ADAMTS18: variants seen among roughly 807,000 people sequenced by gnomAD.
ADAMTS18 encodes ADAM metallopeptidase with thrombospondin type 1 motif 18.
In ADAMTS18, 157 loss-of-function variants were observed where a neutral mutation model predicts 165.9. The observed-to-expected ratio is 0.95, with a 90% CI of 0.83 to 1.08. The LOEUF is 1.08. ADAMTS18 is among the 50% of genes least tolerant of loss of function. The pLI, the probability that ADAMTS18 is intolerant of heterozygous loss-of-function variation, is 0.00. For missense variants in ADAMTS18, 2,040 were observed against 1,534.0 expected (o/e 1.33, Z -5.51); for synonymous variants, 782 against 578.2 (o/e 1.35, Z -5.06).
At chr16:77,285,563 C>CG (rs2055233971) in intron 22 of ADAMTS18, among the ~76,000 whole-genome samples, 2 of 151,386 alleles carry the variant, frequency 1.3e-5, no homozygotes, top group South Asian at 2.1e-4. Context: ...GTTCCTTCTT[C>CG]AAGCCTTGAT....
chr16:77,290,984 C>A, intron 21 of ADAMTS18: 1 of 388,570 alleles, frequency 2.6e-6, no homozygotes. Context: ...CCAACATTAG[C>A]AGTGTATAAC....
chr16:77,359,550 A>T, intron 7 of ADAMTS18, 127 bp from the exon 8 acceptor site: 4 of 8,994 alleles, frequency 4.4e-4, no homozygotes, highest in Non-Finnish European at 5.2e-4. Context: ...GTGTTTTTGG[A>T]AAAAAAAAAA....
intron 22 of ADAMTS18, among the ~76,000 whole-genome samples, chr16:77,288,023 C>G (rs1380330875): frequency 6.6e-6 from 1 of 152,160 alleles, no homozygotes; most frequent in African/African-American, 2.4e-5. Flanking sequence ...CCTCACAGCA[C>G]TTTTCACATG....
chr16:77,365,016 G>C (rs1015088697), intron 4 of ADAMTS18, among the ~76,000 whole-genome samples: 10 of 152,000 alleles, frequency 6.6e-5, no homozygotes, highest in African/African-American at 2.4e-4. Context: ...TGAGGCAGGC[G>C]GATCACTTGA....
At chr16:77,352,220 G>A (rs974183845) in intron 10 of ADAMTS18, among the ~76,000 whole-genome samples, 1 of 152,090 alleles carries the variant, frequency 6.6e-6, no homozygotes, top group Non-Finnish European at 1.5e-5. Flanking sequence ...TATTTCTTCG[G>A]ACTGGAGTTA....
intron 3 of ADAMTS18, among the ~76,000 whole-genome samples, chr16:77,385,403 C>G (rs967716666): frequency 6.6e-6 from 1 of 152,164 alleles, no homozygotes; most frequent in Non-Finnish European, 1.5e-5. Flanking sequence ...TATTCTGTAA[C>G]TAAGCTGGTG....
chr16:77,375,357 G>A (rs1475703396), intron 3 of ADAMTS18, among the ~76,000 whole-genome samples: 1 of 152,092 alleles, frequency 6.6e-6, no homozygotes. Context: ...ACTCCGGCCT[G>A]GGTGAAAGAG....
chr16:77,368,392 C>T (rs930369998), intron 3 of ADAMTS18, among the ~76,000 whole-genome samples: 2 of 151,884 alleles, frequency 1.3e-5, no homozygotes, highest in African/African-American at 4.8e-5. Flanking sequence ...TATAAAAATA[C>T]CCCCACTCAT....
chr16:77,397,229 G>C (rs557649839), intron 3 of ADAMTS18, among the ~76,000 whole-genome samples: 2 of 152,190 alleles, frequency 1.3e-5, no homozygotes, highest in Non-Finnish European at 2.9e-5. Context: ...AAAATCAACT[G>C]TGTAGAAAGG....
intron 21 of ADAMTS18, chr16:77,290,984 C>T (rs1555508220): frequency 8.2e-5 from 32 of 388,422 alleles, no homozygotes; most frequent in East Asian, 1.1e-4. Context: ...CCAACATTAG[C>T]AGTGTATAAC....
At chr16:77,359,540 G>C (rs2056680877) in intron 7 of ADAMTS18, 117 bp from the exon 8 acceptor site, 2 of 632,758 alleles carry the variant, frequency 3.2e-6, no homozygotes, top group Admixed American at 3.3e-5. Flanking sequence ...AATGCATTCA[G>C]TGTTTTTGGA....
intron 3 of ADAMTS18, among the ~76,000 whole-genome samples, chr16:77,384,490 G>A (rs2057077543): frequency 1.3e-5 from 2 of 152,136 alleles, no homozygotes; most frequent in African/African-American, 4.8e-5. Context: ...ACTGAATAGG[G>A]GAATATGCAA....
chr16:77,321,913 T>C (rs1052603261), intron 14 of ADAMTS18, among the ~76,000 whole-genome samples: 19 of 151,952 alleles, frequency 1.3e-4, no homozygotes, highest in African/African-American at 4.4e-4. Context: ...CCCAGCACTT[T>C]GGGAGGCTGA....
chr16:77,394,528 A>T (rs1220360420), intron 3 of ADAMTS18, among the ~76,000 whole-genome samples: 1 of 152,166 alleles, frequency 6.6e-6, no homozygotes, highest in African/African-American at 2.4e-5. Context: ...AAACCATTAG[A>T]AATTTGTGTG....
chr16:77,405,940 C>T (rs997246805), intron 3 of ADAMTS18, among the ~76,000 whole-genome samples: 4 of 152,058 alleles, frequency 2.6e-5, no homozygotes, highest in African/African-American at 9.7e-5. Context: ...AAGTGACGAT[C>T]TAATAATCTA....
chr16:77,381,546 G>A (rs2057030651), intron 3 of ADAMTS18, among the ~76,000 whole-genome samples: 1 of 152,146 alleles, frequency 6.6e-6, no homozygotes, highest in African/African-American at 2.4e-5. Flanking sequence ...GCTCACGCCT[G>A]TAATCCCAGC....
At chr16:77,320,793 C>A (rs77618698) in intron 15 of ADAMTS18, among the ~76,000 whole-genome samples, 1 of 152,212 alleles carries the variant, frequency 6.6e-6, no homozygotes, top group African/African-American at 2.4e-5. Context: ...ACATAAGTTT[C>A]ACAATGTTTC....
intron 3 of ADAMTS18, among the ~76,000 whole-genome samples, chr16:77,371,324 A>G (rs1020616143): frequency 2.6e-5 from 4 of 152,176 alleles, no homozygotes; most frequent in Non-Finnish European, 4.4e-5. Context: ...TGAAGAGCAA[A>G]TGCAATCTTG....
At chr16:77,377,152 G>A (rs1016876391) in intron 3 of ADAMTS18, among the ~76,000 whole-genome samples, 1 of 152,138 alleles carries the variant, frequency 6.6e-6, no homozygotes, top group Non-Finnish European at 1.5e-5. Flanking sequence ...CTCATGCCAG[G>A]TATAAATCAC....
Sources: gnomAD v4.1 joint callset for allele counts (sites outside exome capture counted in the v4.1 genomes callset) on GRCh38, gnomAD v4.1.1 for gene constraint, MANE v1.5 for transcripts, NCBI Gene and HGNC (gene_info 2026-07-23, HGNC 2026-07-21) for gene names.